CLN6: variants seen among roughly 807,000 people sequenced by gnomAD.
The protein encoded by CLN6 is CLN6 transmembrane ER protein, also known as ceroid-lipofuscinosis neuronal protein 6.
A neutral mutation model predicts 33.3 loss-of-function variants in CLN6; 22 were observed. The ratio of observed to expected loss-of-function variants is 0.66; its 90% CI spans 0.47 to 0.94. CLN6 has a LOEUF of 0.94. Among genes scored for constraint, CLN6 ranks in the 40% least tolerant of loss-of-function variants. The probability of loss-of-function intolerance (pLI) is 0.00; values close to 1 mark genes in which losing one functional copy is unlikely to be tolerated. For synonymous variants in CLN6, 201 were observed against 174.6 expected (o/e 1.15, Z -1.19); for missense variants, 387 against 417.1 (o/e 0.93, Z 0.63).
intron 2 of CLN6, among the ~76,000 whole-genome samples, chr15:68,217,752 G>A (rs1407237937): frequency 6.6e-6 from 1 of 152,126 alleles, no homozygotes; most frequent in Admixed American, 6.5e-5. Flanking sequence ...GGTGGGAGGG[G>A]TCTGGGGGCC....
intron 1 of CLN6, among the ~76,000 whole-genome samples, chr15:68,243,891 G>A (rs763055687): frequency 5.3e-5 from 8 of 151,088 alleles, no homozygotes; most frequent in East Asian, 2.0e-4. Flanking sequence ...GTGAAACCCC[G>A]TCTCTACTAA....
chr15:68,253,314 G>A (rs898023840), intron 1 of CLN6, among the ~76,000 whole-genome samples: 3 of 152,148 alleles, frequency 2.0e-5, no homozygotes, highest in African/African-American at 7.2e-5. Flanking sequence ...CCACGTGACC[G>A]GGTTTTTTGT....
At chr15:68,218,316 T>G in intron 2 of CLN6, 1 of 483,664 alleles carries the variant, frequency 2.1e-6, no homozygotes, top group Non-Finnish European at 3.9e-6. Flanking sequence ...AGTTCCCCCA[T>G]GAGAGTTGGG....
chr15:68,218,607 A>G lies in CLN6; in HGVS notation c.127T>C (p.Phe43Leu), dbSNP rs780463888. 6.2e-7 allele frequency: 1 copy of G among 1,613,860 alleles called. No homozygotes were observed. The highest frequency in any genetic ancestry group is 8.5e-7 in the Non-Finnish European group (1 of 1,179,936). Reference protein sequence around the residue: ...SADEAARTAPFHLDLWFYFTL... With the variant: ...SADEAARTAPLHLDLWFYFTL... ...AAGTAGAACCAGAGGTCGAGGTGGA[A>G]GGGAGCCGTGCGGGCAGCCTCATCA... Residue 43 changes from phenylalanine (F) to leucine (L), a missense_variant, in exon 2 of 7, where the codon TTC becomes CTC. Phe to Leu is a conservative substitution (Grantham distance 22, BLOSUM62 0). Coordinates refer to ENST00000249806, the MANE Select transcript of CLN6 (RefSeq NM_017882.3).
chr15:68,232,197 G>A (rs900949667), upstream of CLN6, among the ~76,000 whole-genome samples: 6 of 141,004 alleles, frequency 4.3e-5, no homozygotes, highest in Admixed American at 1.5e-4. This position sits in a 1 kb window ranked among gnomAD's most constrained non-coding sequence, Gnocchi z 4.7. Context: ...TTGCTCTGTC[G>A]CCCAGGCTGG....
At chr15:68,229,146 T>C in intron 1 of CLN6, among the ~76,000 whole-genome samples, 1 of 151,970 alleles carries the variant, frequency 6.6e-6, no homozygotes, top group East Asian at 1.9e-4. Context: ...GAGGTGTGTG[T>C]ACCCACCGCC....
intron 1 of CLN6, chr15:68,255,087 C>T (rs896906329): frequency 5.3e-6 from 3 of 565,640 alleles, no homozygotes; most frequent in Non-Finnish European, 9.5e-6. Context: ...CAGAATGTCT[C>T]CGAAGCTAGG....
chr15:68,218,861 C>G (rs1041219767), intron 1 of CLN6, among the ~76,000 whole-genome samples: 2 of 152,154 alleles, frequency 1.3e-5, no homozygotes, highest in African/African-American at 4.8e-5. Flanking sequence ...CTTAGCTTCT[C>G]TCTGATTCAG....
chr15:68,210,647 G>A lies in CLN6; in HGVS notation c.542+616C>T, dbSNP rs1358272229. 2.6e-5 allele frequency among the ~76,000 whole-genome samples: 4 copies of A among 152,176 alleles called. No individual in the cohort carries two copies. The highest frequency in any genetic ancestry group is 7.2e-5 in the African/African-American group (3 of 41,442). ...GGTAAGATGGGAGGGTGGAACAGATGAAGCCTCCCAGCCTGGGCCCGGGAT... is the reference window on the plus strand; with the variant it reads ...GGTAAGATGGGAGGGTGGAACAGATAAAGCCTCCCAGCCTGGGCCCGGGAT... On this transcript the variant is annotated intron_variant, in intron 5 of 6. Coordinates refer to ENST00000249806, the MANE Select transcript of CLN6 (RefSeq NM_017882.3). The surrounding 1 kb of genome is among the most constrained non-coding windows in gnomAD (Gnocchi z 5.6).
rs915306676 is a variant in CLN6, at chr15:68,254,945, T to C, written c.179+1745A>G. The C allele has an allele frequency of 1.2e-5, 12 of 997,072 alleles. No homozygotes were observed. In the African/African-American group the frequency reaches 1.9e-4, roughly 16 times the overall value. The allele number at this position is 997,072 out of a possible 1,614,324, so 61.8% of individuals were successfully genotyped here. On this transcript the variant is annotated intron_variant, in intron 1 of 6. Coordinates refer to the CLN6 transcript ENST00000538696. The stretch of plus-strand genomic sequence containing the variant: ...GATAACTGTGTACTTCTGGTGACTG[T>C]ACAGTTTGAAATGCTATTTTTTATC...
Position 68,209,868 on chromosome 15 carries a change from A to G in CLN6, c.543-109T>C. On this transcript the variant is annotated intron_variant, in intron 5 of 6. Coordinates refer to ENST00000249806, the MANE Select transcript of CLN6 (RefSeq NM_017882.3). The surrounding 1 kb of genome is among the most constrained non-coding windows in gnomAD (Gnocchi z 4.9). ...ATGGAGTGCCACGTCACAGTTTACA[A>G]AACGCCTAGCCTGGGTGAGAGGCGC... The G allele has an allele frequency of 6.7e-7, 1 of 1,498,680 alleles. No individual in the cohort carries two copies. The highest frequency in any genetic ancestry group is 9.2e-7 in the Non-Finnish European group (1 of 1,087,598). 92.8% of individuals were successfully genotyped at this position (1,498,680 alleles called of 1,614,324 possible). A position where few individuals can be genotyped will look rare whatever the true frequency, so the allele number is the denominator to read the frequency against.
At chr15:68,221,114 G>C (rs2093234479) in intron 1 of CLN6, among the ~76,000 whole-genome samples, 1 of 151,926 alleles carries the variant, frequency 6.6e-6, no homozygotes, top group Non-Finnish European at 1.5e-5. Flanking sequence ...GCCATCCATA[G>C]TGCTGGGATT....
Position 68,211,844 on chromosome 15 carries a change from C to CG in CLN6, c.316dup (p.Arg106ProfsTer26), listed in dbSNP as rs397515352. 16 of 1,613,588 alleles carry CG rather than the reference C, an allele frequency of 9.9e-6. No homozygotes were observed. The South Asian group carries it at 1.1e-4, about 11-fold the overall frequency. On this transcript the variant is annotated frameshift_variant, in exon 4 of 7. Transcript: ENST00000249806. LOFTEE classifies it high-confidence loss of function. The surrounding 1 kb of genome is among the most constrained non-coding windows in gnomAD (Gnocchi z 5.9). The stretch of plus-strand genomic sequence containing the variant: ...GTACGTGATGGAGCGTGGCAGGGTG[C>CG]GGGGGGACCGCTCGATGAGCTGGGG...
chr15:68,217,741 G>A (rs931429192), intron 2 of CLN6, among the ~76,000 whole-genome samples: 1 of 152,146 alleles, frequency 6.6e-6, no homozygotes, highest in Non-Finnish European at 1.5e-5. Flanking sequence ...TCAGCAAGTT[G>A]GGTGGGAGGG....
chr15:68,210,307 C>A lies in CLN6; in HGVS notation c.543-548G>T, dbSNP rs370128255. 1.4e-4 allele frequency among the ~76,000 whole-genome samples: 22 copies of A among 152,174 alleles called. No homozygotes were observed. Among genetic ancestry groups the A allele is most frequent in the African/African-American group, 5.3e-4 (22 of 41,516 alleles). ...CCTGTGCTTTCACCAGTATACCCGCCTGCCTCTTCTCACCCACACCCCCTT... is the reference window on the plus strand; with the variant it reads ...CCTGTGCTTTCACCAGTATACCCGCATGCCTCTTCTCACCCACACCCCCTT... On this transcript the variant is annotated intron_variant, in intron 5 of 6. Transcript: ENST00000249806. The surrounding 1 kb of genome is among the most constrained non-coding windows in gnomAD (Gnocchi z 5.6).
intron 1 of CLN6, among the ~76,000 whole-genome samples, chr15:68,224,310 A>G (rs1020650643): frequency 4.8e-5 from 7 of 146,396 alleles, no homozygotes; most frequent in Non-Finnish European, 1.0e-4. Flanking sequence ...CAGAGTGGAC[A>G]CTCAGCAACC....
At chr15:68,234,212 C>T (rs1007028415), upstream of CLN6, among the ~76,000 whole-genome samples, 1 of 152,206 alleles carries the variant, frequency 6.6e-6, no homozygotes, top group African/African-American at 2.4e-5. This position sits in a 1 kb window ranked among gnomAD's most constrained non-coding sequence, Gnocchi z 4.1. Context: ...GACTGGCTTT[C>T]CTGGCTTTCC....
rs1246635312 is a variant in CLN6 at position 68,247,419 on chromosome 15, A to G, written c.179+9271T>C. Among the ~76,000 whole-genome samples, 1 of 152,114 alleles carries G rather than the reference A, an allele frequency of 6.6e-6. No homozygotes were observed. Among genetic ancestry groups the G allele is most frequent in the Non-Finnish European group, 1.5e-5 (1 of 68,022 alleles). On this transcript the variant is annotated intron_variant, in intron 1 of 6. Transcript: ENST00000538696. The surrounding 1 kb of genome is among the most constrained non-coding windows in gnomAD (Gnocchi z 4.2). ...GCAATCCCATTTATAATAGCTGCAAAAACAAACAAACAACAACAACAACAA... is the reference window on the plus strand; with the variant it reads ...GCAATCCCATTTATAATAGCTGCAAGAACAAACAAACAACAACAACAACAA...
upstream of CLN6, among the ~76,000 whole-genome samples, chr15:68,234,365 C>T (rs1409485769): frequency 6.6e-6 from 1 of 152,214 alleles, no homozygotes. The surrounding 1 kb of genome is among the most constrained non-coding windows in gnomAD (Gnocchi z 4.1). Flanking sequence ...TGGCTTGAGC[C>T]AGTGCCCACC....
Sources: gnomAD v4.1 joint callset for allele counts (sites outside exome capture counted in the v4.1 genomes callset) on GRCh38, gnomAD v4.1.1 for gene constraint, Gnocchi (gnomAD v3.1) non-coding constraint, MANE v1.5 for transcripts, NCBI Gene and HGNC (gene_info 2026-07-23, HGNC 2026-07-21) for gene names.